The following THEMIS variants were observed in gnomAD, a reference collection of about 807,000 sequenced individuals.
THEMIS encodes thymocyte selection associated.
Under a neutral mutation model 52.6 loss-of-function variants are expected in THEMIS, and 37 were observed. That is an observed-to-expected ratio of 0.70 (90% CI 0.54 to 0.93). The LOEUF is 0.93. THEMIS is among the 40% of genes least tolerant of loss of function. The pLI, the probability that THEMIS is intolerant of heterozygous loss-of-function variation, is 0.00. For synonymous variants in THEMIS, 292 were observed against 272.7 expected (o/e 1.07, Z -0.70); for missense variants, 808 against 763.1 (o/e 1.06, Z -0.69).
intron 1 of THEMIS, among the ~76,000 whole-genome samples, chr6:127,918,159 C>G (rs922223226): frequency 6.6e-6 from 1 of 152,136 alleles, no homozygotes; most frequent in Non-Finnish European, 1.5e-5. Context: ...ACTGAAGGCT[C>G]CAAGGCACAG....
chr6:127,839,143 T>C (rs908522885), intron 2 of THEMIS, among the ~76,000 whole-genome samples: 7 of 152,098 alleles, frequency 4.6e-5, no homozygotes, highest in Non-Finnish European at 1.0e-4. Context: ...TATGGAAATT[T>C]TATTCTGCAT....
chr6:127,901,110 G>T (rs892696545), upstream of THEMIS: 2 of 588,494 alleles, frequency 3.4e-6, no homozygotes, highest in Non-Finnish European at 3.0e-6. Flanking sequence ...GAAGAGGGAG[G>T]GGGGAAGCAG....
At chr6:127,861,154 A>G (rs1254612859) in intron 1 of THEMIS, among the ~76,000 whole-genome samples, 1 of 152,132 alleles carries the variant, frequency 6.6e-6, no homozygotes, top group African/African-American at 2.4e-5. Flanking sequence ...TGTATAAACA[A>G]TATTGCTTTG....
chr6:127,736,324 C>T (rs1775004627), intron 4 of THEMIS, among the ~76,000 whole-genome samples: 1 of 152,066 alleles, frequency 6.6e-6, no homozygotes, highest in Non-Finnish European at 1.5e-5. Context: ...CTCTCACACA[C>T]ACAGACAAAC....
chr6:127,785,801 T>C (rs1273413021), intron 4 of THEMIS, among the ~76,000 whole-genome samples: 1 of 152,006 alleles, frequency 6.6e-6, no homozygotes, highest in Admixed American at 6.6e-5. Context: ...ATAATATTAA[T>C]AGCATTTAGA....
At chr6:127,780,378 G>A (rs1055265585) in intron 4 of THEMIS, among the ~76,000 whole-genome samples, 3 of 152,048 alleles carry the variant, frequency 2.0e-5, no homozygotes, top group Non-Finnish European at 4.4e-5. Flanking sequence ...TTTAATTGGG[G>A]CATTTAGCCC....
At chr6:127,812,179 A>G (rs1364434268) in intron 4 of THEMIS, among the ~76,000 whole-genome samples, 1 of 152,254 alleles carries the variant, frequency 6.6e-6, no homozygotes, top group Non-Finnish European at 1.5e-5. Flanking sequence ...GCAGGCAGCC[A>G]GAAGGCAGTT....
intron 4 of THEMIS, among the ~76,000 whole-genome samples, chr6:127,752,037 A>T (rs1775660490): frequency 6.6e-6 from 1 of 151,892 alleles, no homozygotes; most frequent in African/African-American, 2.4e-5. Context: ...AAACAAGAAG[A>T]TTAAATGGAC....
downstream of THEMIS, among the ~76,000 whole-genome samples, chr6:127,704,241 T>C (rs1436538699): frequency 1.3e-5 from 2 of 152,168 alleles, no homozygotes; most frequent in Non-Finnish European, 2.9e-5. Flanking sequence ...TATGCCACAC[T>C]TGAATATACT....
intron 3 of THEMIS, among the ~76,000 whole-genome samples, chr6:127,815,174 T>A (rs930743788): frequency 1.3e-5 from 2 of 151,724 alleles, no homozygotes; most frequent in Admixed American, 1.3e-4. Flanking sequence ...TAAAAAAAAA[T>A]AATAAAGTTA....
intron 4 of THEMIS, among the ~76,000 whole-genome samples, chr6:127,746,742 AT>A (rs1179611847): frequency 1.1e-5 from 1 of 90,422 alleles, no homozygotes; most frequent in African/African-American, 4.6e-5. Context: ...TAATTATATT[AT>A]ATATAATTAT....
intron 1 of THEMIS, among the ~76,000 whole-genome samples, chr6:127,906,648 T>C (rs963498484): frequency 2.0e-5 from 3 of 152,068 alleles, no homozygotes; most frequent in African/African-American, 7.2e-5. Context: ...ATTACCCTAA[T>C]AATTCAAACA....
intron 2 of THEMIS, among the ~76,000 whole-genome samples, chr6:127,844,191 A>G (rs1779140376): frequency 6.6e-6 from 1 of 151,980 alleles, no homozygotes; most frequent in Admixed American, 6.6e-5. Context: ...TTGCTATGTG[A>G]TTTGGGGCAA....
intron 4 of THEMIS, among the ~76,000 whole-genome samples, chr6:127,762,122 GAAGACATTATGCTAATTGA>G (rs1173034429): frequency 2.6e-5 from 4 of 152,048 alleles, no homozygotes; most frequent in African/African-American, 7.2e-5. Context: ...GTATGAATTG[GAAGACATTATGCTAATTGA>G]AATATGCCAG....
At position 127,787,276 on chromosome 6, in the gene THEMIS, G is replaced by GCACA. The variant is rs142121636; in HGVS notation, c.1758+25603_1758+25606dup. 3.4e-3 allele frequency among the ~76,000 whole-genome samples: 503 copies of GCACA among 149,170 alleles called. 1 individual carries two copies. Among genetic ancestry groups the GCACA allele is most frequent in the African/African-American group, 0.011 (455 of 40,860 alleles). On this transcript the variant is annotated intron_variant, in intron 4 of 5. Coordinates refer to ENST00000368248, the MANE Select transcript of THEMIS (RefSeq NM_001010923.3). ...CACTCTAGCATGCACATGTGTGCAC[G>GCACA]CACACACACACACACACACAAACAC...
rs143919702 is a variant in THEMIS, at chr6:127,880,939, A to C, written c.91+19903T>G. Among the ~76,000 whole-genome samples, 5 of 152,256 alleles carry C rather than the reference A, an allele frequency of 3.3e-5. No homozygotes were observed. The East Asian group carries it at 9.6e-4, about 29-fold the overall frequency. On this transcript the variant is annotated intron_variant, in intron 1 of 5. Coordinates refer to ENST00000368248, the MANE Select transcript of THEMIS (RefSeq NM_001010923.3). ...ATTTCATTTCACAACTTTTGTTAAAATCTTAGTTTTAAAAGACGCGATGAT... is the reference window on the plus strand; with the variant it reads ...ATTTCATTTCACAACTTTTGTTAAACTCTTAGTTTTAAAAGACGCGATGAT...
rs149649183 is a variant in THEMIS at position 127,727,968 on chromosome 6, A to G, written c.1759-8145T>C. 1.1e-3 allele frequency among the ~76,000 whole-genome samples: 171 copies of G among 152,186 alleles called. 1 individual carries two copies. The highest frequency in any genetic ancestry group is 3.9e-3 in the African/African-American group (161 of 41,532). On this transcript the variant is annotated intron_variant, in intron 4 of 5. Coordinates refer to ENST00000368248, the MANE Select transcript of THEMIS (RefSeq NM_001010923.3). ...TTAAGGAGCATTGTCTGGCACCACC[A>G]ACCAACACTTTTTTGAAATTTCTAT...
intron 4 of THEMIS, among the ~76,000 whole-genome samples, chr6:127,736,631 C>A (rs1464190571): frequency 6.6e-6 from 1 of 152,102 alleles, no homozygotes; most frequent in Non-Finnish European, 1.5e-5. Context: ...AAGGATTAAA[C>A]AATATCCTCA....
rs552938461 is a variant in THEMIS, at chr6:127,851,115, A to G, written c.250+3915T>C. On this transcript the variant is annotated intron_variant, in intron 2 of 5. Transcript: ENST00000368248. The stretch of plus-strand genomic sequence containing the variant: ...ATACATTCAGGGGCAGAGGAAAAAA[A>G]GTATAAAGAAAAGAACAAAGTCTCA... 2.1e-4 allele frequency among the ~76,000 whole-genome samples: 32 copies of G among 151,676 alleles called. No individual in the cohort carries two copies. The South Asian group carries it at 6.2e-3, about 30-fold the overall frequency.
Sources: gnomAD v4.1 joint callset for allele counts (sites outside exome capture counted in the v4.1 genomes callset) on GRCh38, gnomAD v4.1.1 for gene constraint, MANE v1.5 for transcripts, NCBI Gene and HGNC (gene_info 2026-07-23, HGNC 2026-07-21) for gene names.